The following NAALADL2 variants were observed in gnomAD, a reference collection of about 807,000 sequenced individuals.
NAALADL2 encodes inactive N-acetylated-alpha-linked acidic dipeptidase-like protein 2.
Under a neutral mutation model 87.2 loss-of-function variants are expected in NAALADL2, and 76 were observed. That is an observed-to-expected ratio of 0.87 (90% CI 0.72 to 1.05). The LOEUF is 1.05. Ranked by LOEUF, NAALADL2 falls within the 50% of genes least tolerant of loss-of-function variation. The pLI is 0.00. For missense variants in NAALADL2, 1,089 were observed against 945.8 expected (o/e 1.15, Z -1.99); for synonymous variants, 354 against 331.0 (o/e 1.07, Z -0.75).
intron 1 of NAALADL2, among the ~76,000 whole-genome samples, chr3:174,901,340 G>A (rs368082395): frequency 2.0e-5 from 3 of 152,242 alleles, no homozygotes; most frequent in African/African-American, 7.2e-5. Context: ...CTTGTGAGAA[G>A]TACATGAGCC....
chr3:175,729,783 TTC>T (rs1398199750), intron 11 of NAALADL2, among the ~76,000 whole-genome samples: 131 of 151,134 alleles, frequency 8.7e-4, no homozygotes, highest in African/African-American at 3.1e-3. Context: ...TTTTTTTTTT[TTC>T]ACATGCCACA....
At chr3:175,078,230 G>T (rs1717011874) in intron 1 of NAALADL2, among the ~76,000 whole-genome samples, 1 of 151,862 alleles carries the variant, frequency 6.6e-6, no homozygotes. Context: ...TTGCCATGTT[G>T]CCCAGGCTGG....
At chr3:175,558,267 T>G (rs754606433) in intron 9 of NAALADL2, among the ~76,000 whole-genome samples, 52 of 149,424 alleles carry the variant, frequency 3.5e-4, no homozygotes, top group Non-Finnish European at 6.8e-4. Flanking sequence ...ATTTTTAAAA[T>G]CAGGTTATTA....
At chr3:174,715,775 C>T (rs1731128647) in intron 2 of NAALADL2, among the ~76,000 whole-genome samples, 1 of 152,040 alleles carries the variant, frequency 6.6e-6, no homozygotes, top group African/African-American at 2.4e-5. Flanking sequence ...TGTTACTGTC[C>T]TTACTTTGTA....
At chr3:175,273,066 C>A (rs1387467112) in intron 4 of NAALADL2, among the ~76,000 whole-genome samples, 1 of 151,838 alleles carries the variant, frequency 6.6e-6, no homozygotes, top group African/African-American at 2.4e-5. Flanking sequence ...CATTTAAAAT[C>A]AAGTTTATGT....
chr3:175,369,029 C>T (rs1766081594), intron 5 of NAALADL2, among the ~76,000 whole-genome samples: 2 of 152,144 alleles, frequency 1.3e-5, no homozygotes, highest in African/African-American at 4.8e-5. Context: ...CTATGCATTA[C>T]TGTAGGCTTT....
chr3:174,631,745 T>C (rs986307927), intron 2 of NAALADL2: 9 of 152,210 alleles, frequency 5.9e-5, no homozygotes, highest in African/African-American at 2.2e-4. Context: ...TTCTCTCAAA[T>C]AAAGTCCTTA....
At chr3:174,863,649 G>T (rs555235267) in intron 1 of NAALADL2, among the ~76,000 whole-genome samples, 8 of 151,988 alleles carry the variant, frequency 5.3e-5, no homozygotes, top group Non-Finnish European at 7.4e-5. Flanking sequence ...GAGGGTAGTA[G>T]TACTTTGTAC....
chr3:175,181,733 A>ATGTATATG (rs1553802512), intron 2 of NAALADL2, among the ~76,000 whole-genome samples: 5 of 34,442 alleles, frequency 1.5e-4, no homozygotes, highest in African/African-American at 4.5e-4. Context: ...ATATGTATAT[A>ATGTATATG]TGTGTATATA....
intron 4 of NAALADL2, among the ~76,000 whole-genome samples, chr3:175,284,974 T>C (rs1754801650): frequency 6.6e-6 from 1 of 152,148 alleles, no homozygotes. Flanking sequence ...CTTAAAACCA[T>C]GGTGTAAAGG....
intron 4 of NAALADL2, among the ~76,000 whole-genome samples, chr3:175,277,461 A>G (rs1753747825): frequency 2.6e-5 from 4 of 152,200 alleles, no homozygotes; most frequent in Admixed American, 2.6e-4. Flanking sequence ...CTAAAAACCA[A>G]TACGGGACAG....
At chr3:175,223,856 G>A (rs1235648347) in intron 2 of NAALADL2, among the ~76,000 whole-genome samples, 5 of 152,084 alleles carry the variant, frequency 3.3e-5, no homozygotes, top group African/African-American at 1.2e-4. Context: ...AGAGAAGAAG[G>A]GAAGTTACAT....
chr3:174,884,725 C>T (rs1210477776), intron 1 of NAALADL2, among the ~76,000 whole-genome samples: 3 of 152,172 alleles, frequency 2.0e-5, no homozygotes, highest in Admixed American at 6.5e-5. Flanking sequence ...TTATCCCACA[C>T]CCTTAATATA....
intron 5 of NAALADL2, among the ~76,000 whole-genome samples, chr3:175,389,491 A>AT (rs1179527022): frequency 6.6e-6 from 1 of 152,056 alleles, no homozygotes; most frequent in Non-Finnish European, 1.5e-5. Context: ...TCAAGTGGAG[A>AT]TTTTTTCTTC....
intron 11 of NAALADL2, among the ~76,000 whole-genome samples, chr3:175,730,417 T>TAG (rs1743548967): frequency 2.1e-5 from 2 of 96,610 alleles, no homozygotes; most frequent in African/African-American, 4.1e-5. Flanking sequence ...TATATATATA[T>TAG]ATATATATAT....
intron 2 of NAALADL2, among the ~76,000 whole-genome samples, chr3:175,220,032 A>G (rs1743119891): frequency 6.6e-6 from 1 of 151,714 alleles, no homozygotes; most frequent in African/African-American, 2.4e-5. Context: ...GTAAGTCAGA[A>G]TGTTTGATTT....
intron 9 of NAALADL2, among the ~76,000 whole-genome samples, chr3:175,567,474 A>G (rs911835222): frequency 2.6e-5 from 4 of 152,238 alleles, no homozygotes; most frequent in Admixed American, 2.0e-4. Flanking sequence ...ATAAAAGAAC[A>G]TTTTTCTATA....
chr3:175,573,218 A>G (rs1368526478), intron 9 of NAALADL2, among the ~76,000 whole-genome samples: 3 of 152,232 alleles, frequency 2.0e-5, no homozygotes, highest in Non-Finnish European at 4.4e-5. Flanking sequence ...GAGTTAACGT[A>G]TGTAAAACAA....
At chr3:174,562,139 T>A (rs918176028) in intron 2 of NAALADL2, among the ~76,000 whole-genome samples, 2 of 152,180 alleles carry the variant, frequency 1.3e-5, no homozygotes, top group Non-Finnish European at 2.9e-5. Flanking sequence ...TCATTTCAAA[T>A]TATATCTTTG....
Sources: allele counts gnomAD v4.1 joint callset (sites outside exome capture counted in the v4.1 genomes callset), GRCh38; gene constraint gnomAD v4.1.1; transcripts MANE v1.5; gene names NCBI Gene and HGNC (gene_info 2026-07-23, HGNC 2026-07-21).